EFHC1: variants seen among roughly 807,000 people sequenced by gnomAD.
EFHC1 encodes the protein EF-hand domain containing 1.
EFHC1 carries 53 observed loss-of-function variants against 69.9 expected under a neutral mutation model. The ratio of observed to expected loss-of-function variants is 0.76; its 90% CI spans 0.61 to 0.95. The LOEUF is 0.95. Ranked by LOEUF, EFHC1 falls within the 40% of genes least tolerant of loss-of-function variation. EFHC1 has a pLI of 0.00. For missense variants in EFHC1, 739 were observed against 798.7 expected (o/e 0.93, Z 0.90); for synonymous variants, 256 against 278.4 (o/e 0.92, Z 0.80).
At chr6:52,469,501 T>G (rs1404992684) in intron 7 of EFHC1, 28 bp downstream of exon 7, 12 of 1,612,286 alleles carry the variant, frequency 7.4e-6, no homozygotes, top group Non-Finnish European at 1.0e-5. Flanking sequence ...ATACTAAAGA[T>G]TCTCTTCTAT....
intron 2 of EFHC1, 68 bp downstream of exon 2, chr6:52,424,235 A>G: frequency 6.9e-7 from 1 of 1,447,668 alleles, no homozygotes. Context: ...CAAAAAAGTT[A>G]AAACAGTAAA....
At chr6:52,427,842 T>A (rs1425627699) in intron 2 of EFHC1, among the ~76,000 whole-genome samples, 2 of 152,180 alleles carry the variant, frequency 1.3e-5, no homozygotes, top group Admixed American at 6.5e-5. Flanking sequence ...GTGTGTGATA[T>A]GAAAATATTT....
intron 9 of EFHC1, chr6:52,482,430 T>G (rs1765700444): frequency 5.7e-6 from 1 of 176,288 alleles, no homozygotes; most frequent in South Asian, 2.0e-4. Context: ...TAATTTTTAC[T>G]TAGCACATTG....
At chr6:52,461,747 AAAAT>A (rs1256200322) in intron 5 of EFHC1, among the ~76,000 whole-genome samples, 1 of 152,220 alleles carries the variant, frequency 6.6e-6, no homozygotes, top group Non-Finnish European at 1.5e-5. Context: ...TTTAAAAAGA[AAAAT>A]AAATAGCAAA....
Position 52,452,744 on chromosome 6 carries a change from T to A in EFHC1, c.630T>A (p.Asp210Glu), listed in dbSNP as rs779780035. Residue 210 changes from aspartate to glutamate, a missense_variant, in exon 4 of 11, where the codon GAT (aspartate) becomes GAA (glutamate). Coordinates refer to ENST00000371068, the MANE Select transcript of EFHC1 (RefSeq NM_018100.4). ...ELNPPEKMAL[D>E]PYTELRKQPL... ...ATCCACCAGAGAAGATGGCTCTTGA[T>A]CCTTACACTGAACTCCGAAAACAGC... 1 of 1,614,250 alleles carries A rather than the reference T, an allele frequency of 6.2e-7. No homozygotes were observed. The highest frequency in any genetic ancestry group is 8.5e-7 in the Non-Finnish European group (1 of 1,180,046).
chr6:52,438,680 G>A, intron 3 of EFHC1, 89 bp downstream of exon 3: 2 of 1,407,860 alleles, frequency 1.4e-6, no homozygotes, highest in Non-Finnish European at 2.0e-6. Context: ...GTAAGGGGAG[G>A]ACATTGGTAA....
rs1309500768 is a variant in EFHC1, at chr6:52,495,723, G to C, written c.*3382G>C. 7.6e-6 allele frequency: 3 copies of C among 395,174 alleles called. No homozygotes were observed. The highest frequency in any genetic ancestry group is 1.5e-5 in the Non-Finnish European group (3 of 200,324). 24.5% of individuals were successfully genotyped at this position (395,174 alleles called of 1,614,324 possible). On this transcript the variant is annotated 3_prime_UTR_variant, in exon 11 of 11. Transcript: ENST00000371068. ...CCTGCCTCAGCCTTCTGAGTAGCTA[G>C]GCCTGTAGTCTCAGAGGGAACTGTC...
intron 1 of EFHC1, among the ~76,000 whole-genome samples, chr6:52,422,493 T>C (rs1764213978): frequency 6.6e-6 from 1 of 152,214 alleles, no homozygotes; most frequent in East Asian, 1.9e-4. Flanking sequence ...TTTATAACCC[T>C]TTTAGCAAAA....
intron 4 of EFHC1, chr6:52,453,394 A>G: frequency 1.6e-6 from 2 of 1,287,222 alleles, no homozygotes; most frequent in Non-Finnish European, 2.0e-6. Context: ...GTGTATAAGC[A>G]GATTTAAATC....
intron 9 of EFHC1, among the ~76,000 whole-genome samples, chr6:52,480,373 G>T (rs955891725): frequency 5.3e-5 from 8 of 152,264 alleles, no homozygotes; most frequent in Admixed American, 5.2e-4. Flanking sequence ...CCTGTGCAAT[G>T]CAAATTCTTG....
intron 3 of EFHC1, among the ~76,000 whole-genome samples, chr6:52,440,570 A>G (rs1764639862): frequency 6.6e-6 from 1 of 152,108 alleles, no homozygotes; most frequent in Non-Finnish European, 1.5e-5. Context: ...TGTCTTTGCT[A>G]TTATGAATAG....
intron 10 of EFHC1, among the ~76,000 whole-genome samples, chr6:52,491,507 G>A (rs974340496): frequency 1.3e-5 from 2 of 152,182 alleles, no homozygotes; most frequent in Non-Finnish European, 2.9e-5. Flanking sequence ...TGAGTGGACA[G>A]TCTTTTATTT....
chr6:52,490,491 A>C, intron 10 of EFHC1, 141 bp downstream of exon 10: 1 of 713,100 alleles, frequency 1.4e-6, no homozygotes, highest in East Asian at 2.7e-5. Context: ...TGTCCTGATT[A>C]GGTATTGCCC....
At position 52,493,580 on chromosome 6, in the gene EFHC1, A is replaced by G. The variant is rs1407058756; in HGVS notation, c.*1239A>G. ...AATGGGAGAATCACTTGAACCCTGG[A>G]GGCAGAGGTTGCAGTGAGCCAAGAC... On this transcript the variant is annotated 3_prime_UTR_variant, in exon 11 of 11. Transcript: ENST00000371068. 1.1e-5 allele frequency: 5 copies of G among 446,652 alleles called. No homozygotes were observed. Among genetic ancestry groups the G allele is most frequent in the Non-Finnish European group, 2.2e-5 (5 of 223,192 alleles). The allele number at this position is 446,652 out of a possible 1,614,324, so 27.7% of individuals were successfully genotyped here.
At chr6:52,475,051 T>TA (rs1029011554) in intron 7 of EFHC1, among the ~76,000 whole-genome samples, 7 of 151,106 alleles carry the variant, frequency 4.6e-5, no homozygotes, top group South Asian at 2.1e-4. Flanking sequence ...CTGCTCACAG[T>TA]AAAAAAAATT....
At chr6:52,438,982 T>G (rs1764599060) in intron 3 of EFHC1, among the ~76,000 whole-genome samples, 1 of 152,302 alleles carries the variant, frequency 6.6e-6, no homozygotes, top group Non-Finnish European at 1.5e-5. Context: ...TTAGCAGATA[T>G]GAGCCTAAAA....
intron 3 of EFHC1, among the ~76,000 whole-genome samples, chr6:52,445,637 T>G (rs1347195314): frequency 3.9e-5 from 6 of 152,226 alleles, no homozygotes; most frequent in African/African-American, 1.4e-4. Flanking sequence ...CTCTGGTTCT[T>G]TTAATTGTGA....
At chr6:52,476,810 G>GTGGGATCCTGGA (rs1554261450) in intron 7 of EFHC1, among the ~76,000 whole-genome samples, 11 of 152,200 alleles carry the variant, frequency 7.2e-5, no homozygotes, top group Non-Finnish European at 1.2e-4. Context: ...TAAATGCAAT[G>GTGGGATCCTGGA]TGGGATCCTG....
chr6:52,442,896 G>A (rs1268632551), intron 3 of EFHC1, among the ~76,000 whole-genome samples: 1 of 152,168 alleles, frequency 6.6e-6, no homozygotes, highest in Admixed American at 6.5e-5. Flanking sequence ...GGTTGAATTA[G>A]TTTACATTCC....
Sources: gnomAD v4.1 joint callset for allele counts (sites outside exome capture counted in the v4.1 genomes callset) on GRCh38, gnomAD v4.1.1 for gene constraint, MANE v1.5 for transcripts, NCBI Gene and HGNC (gene_info 2026-07-23, HGNC 2026-07-21) for gene names.